The following NBPF8 variants were observed in gnomAD, a reference collection of about 807,000 sequenced individuals.
NBPF8 encodes the protein NBPF member 8.
At chr1:120,423,065 T>G (rs1259003434) in intron 1 of NBPF8, among the ~76,000 whole-genome samples, 2 of 127,578 alleles carry the variant, frequency 1.6e-5, no homozygotes, top group Non-Finnish European at 3.2e-5. Flanking sequence ...TTTCTCCCAG[T>G]CTGTGACTTG....
exon 25 of NBPF8, chr1:120,465,987 C>A: frequency 1.2e-6 from 2 of 1,611,252 alleles, no homozygotes. Context: ...GGCTCAACAG[C>A]GTGCTGATGG....
At chr1:120,469,624 AAT>A (rs1432550934), downstream of NBPF8, among the ~76,000 whole-genome samples, 2 of 152,126 alleles carry the variant, frequency 1.3e-5, no homozygotes, top group Non-Finnish European at 2.9e-5. Flanking sequence ...CGAATTTATC[AAT>A]GTTTTCTTTA....
exon 1 of NBPF8, chr1:120,436,484 C>A (rs1661083578): frequency 7.2e-7 from 1 of 1,382,314 alleles, no homozygotes; most frequent in Admixed American, 1.7e-5. Context: ...TTTCTTCTCC[C>A]CAGTCCCTGA....
upstream of NBPF8, among the ~76,000 whole-genome samples, chr1:120,415,572 G>C (rs1216721531): frequency 2.0e-5 from 3 of 152,168 alleles, no homozygotes; most frequent in South Asian, 2.1e-4. Context: ...GCACGTCCTC[G>C]TGTATCCTGT....
intron 3 of NBPF8, among the ~76,000 whole-genome samples, chr1:120,428,861 G>A (rs1419269336): frequency 6.6e-6 from 1 of 151,622 alleles, no homozygotes; most frequent in Non-Finnish European, 1.5e-5. Flanking sequence ...ACAACTGTTG[G>A]AACAACAGTT....
chr1:120,425,282 G>T (rs1209630817), intron 1 of NBPF8, among the ~76,000 whole-genome samples: 1 of 152,052 alleles, frequency 6.6e-6, no homozygotes, highest in Non-Finnish European at 1.5e-5. Flanking sequence ...GAATGTCTCG[G>T]TGTAAAGCCC....
At chr1:120,465,030 T>G (rs1487640791) in intron 23 of NBPF8, among the ~76,000 whole-genome samples, 1 of 59,844 alleles carries the variant, frequency 1.7e-5, no homozygotes, top group Non-Finnish European at 3.6e-5. Flanking sequence ...TTGGGACAAA[T>G]GATATTGGGA....
upstream of NBPF8, among the ~76,000 whole-genome samples, chr1:120,416,129 T>G (rs1660431209): frequency 6.6e-6 from 1 of 152,112 alleles, no homozygotes; most frequent in Admixed American, 6.5e-5. Flanking sequence ...GTGTTTAGTC[T>G]TTGTTCTGAG....
chr1:120,423,322 T>A (rs1174051781), intron 1 of NBPF8, among the ~76,000 whole-genome samples: 8 of 107,966 alleles, frequency 7.4e-5, no homozygotes, highest in Middle Eastern at 4.0e-3. Flanking sequence ...TGGATTTATT[T>A]ATTTTTTTGC....
chr1:120,415,293 G>C (rs1660398918), upstream of NBPF8, among the ~76,000 whole-genome samples: 9 of 152,314 alleles, frequency 5.9e-5, 1 homozygote, highest in South Asian at 1.9e-3. Context: ...CGCCGCGCCA[G>C]GCCGGGGGGC....
intron 3 of NBPF8, among the ~76,000 whole-genome samples, chr1:120,428,682 G>T (rs1391754247): frequency 3.3e-5 from 5 of 151,944 alleles, no homozygotes; most frequent in African/African-American, 1.2e-4. Flanking sequence ...GGGGCCATGC[G>T]GTCTGTGGTT....
At chr1:120,433,120 T>G (rs1240012685), upstream of NBPF8, 2 of 152,228 alleles carry the variant, frequency 1.3e-5, no homozygotes, top group East Asian at 3.8e-4. Context: ...AAGACTCAAT[T>G]TTGTTAGCAT....
At chr1:120,464,163 G>A (rs1156326181) in intron 22 of NBPF8, among the ~76,000 whole-genome samples, 29 of 108,134 alleles carry the variant, frequency 2.7e-4, no homozygotes, top group African/African-American at 4.0e-4. Context: ...GTGTGTGTGT[G>A]TGTGTGTGTG....
chr1:120,434,057 G>A (rs1660991378), upstream of NBPF8: 1 of 154,760 alleles, frequency 6.5e-6, no homozygotes, highest in East Asian at 1.9e-4. Flanking sequence ...TGTAGATGGA[G>A]GTGTCCACCT....
intron 15 of NBPF8, among the ~76,000 whole-genome samples, chr1:120,454,377 G>A (rs1553249429): frequency 2.6e-5 from 4 of 152,066 alleles, no homozygotes; most frequent in South Asian, 2.1e-4. Context: ...TATCTGTCAG[G>A]CCTCCTAGCT....
At chr1:120,461,094 C>T (rs1661577426) in intron 18 of NBPF8, among the ~76,000 whole-genome samples, 160 bp from the exon 17 acceptor site, 1 of 144,884 alleles carries the variant, frequency 6.9e-6, no homozygotes, top group African/African-American at 2.6e-5. Flanking sequence ...TCTACCTGGC[C>T]CTAGTCTATC....
At chr1:120,459,890 C>T (rs1275624649) in intron 17 of NBPF8, among the ~76,000 whole-genome samples, 2 of 151,866 alleles carry the variant, frequency 1.3e-5, no homozygotes, top group Non-Finnish European at 2.9e-5. Flanking sequence ...CTACAAAATT[C>T]CTTATGAGTT....
chr1:120,418,587 G>A (rs1335209539), upstream of NBPF8, among the ~76,000 whole-genome samples: 2 of 149,014 alleles, frequency 1.3e-5, no homozygotes, highest in Non-Finnish European at 3.0e-5. Flanking sequence ...GTCTCGCTCT[G>A]TTGCCCAGGC....
At chr1:120,419,082 A>AAATG (rs1199899861), upstream of NBPF8, among the ~76,000 whole-genome samples, 5 of 152,124 alleles carry the variant, frequency 3.3e-5, no homozygotes, top group Non-Finnish European at 5.9e-5. Context: ...AATATTTGTT[A>AAATG]AATGAATGAA....
Sources: gnomAD v4.1 joint callset for allele counts (sites outside exome capture counted in the v4.1 genomes callset) on GRCh38, gnomAD v4.1.1 for gene constraint, MANE v1.5 for transcripts, NCBI Gene and HGNC (gene_info 2026-07-23, HGNC 2026-07-21) for gene names.